AKAP11: variants seen among roughly 807,000 people sequenced by gnomAD.
AKAP11 encodes A-kinase anchoring protein 11.
AKAP11 carries 36 observed loss-of-function variants against 146.1 expected under a neutral mutation model. That is an observed-to-expected ratio of 0.25 (90% CI 0.19 to 0.33). AKAP11 has a LOEUF of 0.33. Among genes scored for constraint, AKAP11 ranks in the 10% least tolerant of loss-of-function variants. The pLI is 1.00. For missense variants in AKAP11, 2,201 were observed against 2,197.0 expected (o/e 1.00, Z -0.04); for synonymous variants, 780 against 786.5 (o/e 0.99, Z 0.14).
At position 42,302,377 on chromosome 13, in the gene AKAP11, A is replaced by G. The variant is rs1407601887; in HGVS notation, c.3631A>G (p.Thr1211Ala). 1.9e-6 allele frequency: 3 copies of G among 1,614,160 alleles called. No individual in the cohort carries two copies. Among genetic ancestry groups the G allele is most frequent in the Middle Eastern group, 1.6e-4 (1 of 6,062 alleles). ...AGCTACACACATCCTTTCTCTTGCAACTGAAATGGCAGCTTCCCATTTAGA... is the reference window on the plus strand; with the variant it reads ...AGCTACACACATCCTTTCTCTTGCAGCTGAAATGGCAGCTTCCCATTTAGA... The part of the protein sequence containing the change: ...ALATHILSLA[T>A]EMAASHLDNK... The change falls in exon 8 of 13, where the codon ACT becomes GCT. Residue 1211 changes from threonine (T) to alanine (A), a missense_variant. Thr to Ala is a moderately conservative substitution (Grantham distance 58). This residue lies in a region of AKAP11 where 1,867 missense variants were observed against 1,833.5 expected (regional missense o/e 1.02). Coordinates refer to ENST00000025301, the MANE Select transcript of AKAP11 (RefSeq NM_016248.4).
At chr13:42,289,526 C>T (rs144267064) in intron 3 of AKAP11, among the ~76,000 whole-genome samples, 5 of 152,116 alleles carry the variant, frequency 3.3e-5, no homozygotes, top group Non-Finnish European at 5.9e-5. Context: ...GAGAGCCCCT[C>T]CAAGTAGGTA....
rs1472184259 is a variant in AKAP11 at position 42,301,790 on chromosome 13, T to A, written c.3044T>A (p.Val1015Asp). 11 of 1,614,112 alleles carry A rather than the reference T, an allele frequency of 6.8e-6. No homozygotes were observed. The highest frequency in any genetic ancestry group is 9.3e-6 in the Non-Finnish European group (11 of 1,179,984). The change falls in exon 8 of 13, where the codon GTT (valine) becomes GAT (aspartate). Residue 1015 changes from valine (V) to aspartate (D), a missense_variant. By Grantham distance (152) the Val-to-Asp change is radical (BLOSUM62 -3). This residue lies in a region of AKAP11 where 1,867 missense variants were observed against 1,833.5 expected (regional missense o/e 1.02). Coordinates refer to ENST00000025301, the MANE Select transcript of AKAP11 (RefSeq NM_016248.4). ...GTTCCAGAATGTAAAGTTTCTATGG[T>A]TCATGGATCCTCCCTAGAGACACTG... ...DCVPECKVSMVHGSSLETLPS... is the reference protein window; with the variant it reads ...DCVPECKVSMDHGSSLETLPS...
intron 3 of AKAP11, among the ~76,000 whole-genome samples, chr13:42,287,438 C>G (rs1959175990): frequency 6.6e-6 from 1 of 151,970 alleles, no homozygotes; most frequent in Non-Finnish European, 1.5e-5. Context: ...TGCCCGCCAC[C>G]ACACCTGGCT....
Position 42,303,360 on chromosome 13 carries a change from A to G in AKAP11, c.4614A>G (p.Gln1538=). The change falls in exon 8 of 13, where the codon CAA becomes CAG. Residue 1538 remains glutamine (Q), a synonymous_variant. Coordinates refer to ENST00000025301, the MANE Select transcript of AKAP11 (RefSeq NM_016248.4). Reference sequence around the variant, plus strand: ...ATGGTTGTGGAGACAATGTTGTTCAAGCTGTAGAACAGTATGCCAAAAAAG... The same window carrying G: ...ATGGTTGTGGAGACAATGTTGTTCAGGCTGTAGAACAGTATGCCAAAAAAG... ...NGYGCGDNVV[Q]AVEQYAKKVV... The G allele has an allele frequency of 2.5e-6, 4 of 1,613,118 alleles. No individual in the cohort carries two copies. The highest frequency in any genetic ancestry group is 3.4e-6 in the Non-Finnish European group (4 of 1,180,030).
chr13:42,310,230 T>C (rs1480601564), intron 9 of AKAP11, among the ~76,000 whole-genome samples: 1 of 152,200 alleles, frequency 6.6e-6, no homozygotes, highest in Non-Finnish European at 1.5e-5. Context: ...TGTGTTTCCA[T>C]TGACCAAAGT....
intron 7 of AKAP11, among the ~76,000 whole-genome samples, chr13:42,299,097 G>A (rs1005216016): frequency 1.3e-5 from 2 of 152,112 alleles, no homozygotes; most frequent in Non-Finnish European, 2.9e-5. Flanking sequence ...AGCTGGCAGA[G>A]TCTCCACGGT....
chr13:42,297,036 A>G lies in AKAP11; in HGVS notation c.217-12A>G, dbSNP rs377065256. ...CTCTACAGTGTTACTTATTGTTATT[A>G]TTTTAAATCAGGATTTAGCTGCAGT... On this transcript the variant is annotated splice_polypyrimidine_tract_variant and intron_variant, in intron 5 of 12. Transcript: ENST00000025301. The G allele has an allele frequency of 2.5e-6, 4 of 1,590,750 alleles. No individual in the cohort carries two copies. The highest frequency in any genetic ancestry group is 2.7e-5 in the African/African-American group (2 of 73,388).
chr13:42,285,438 T>C (rs1230817570), intron 1 of AKAP11, among the ~76,000 whole-genome samples: 1 of 152,232 alleles, frequency 6.6e-6, no homozygotes, highest in Non-Finnish European at 1.5e-5. Flanking sequence ...TTAAAAAAAG[T>C]ATTTAGTTCC....
At chr13:42,298,429 C>G in intron 6 of AKAP11, 104 bp from the exon 7 acceptor site, 1 of 1,248,232 alleles carries the variant, frequency 8.0e-7, no homozygotes, top group East Asian at 2.6e-5. Flanking sequence ...GCATGAATTT[C>G]TTGTTTGTTT....
Position 42,319,344 on chromosome 13 carries a change from C to T in AKAP11, c.*116C>T. ...TTAACATCGTAAGTCAGTTGGGAGG[C>T]AAGTAAATATAGCTTTCTGAGCGCT... is the stretch of plus-strand genomic sequence containing the variant. On this transcript the variant is annotated 3_prime_UTR_variant, in exon 13 of 13. Coordinates refer to ENST00000025301, the MANE Select transcript of AKAP11 (RefSeq NM_016248.4). The T allele has an allele frequency of 7.4e-7, 1 of 1,342,490 alleles. No individual in the cohort carries two copies. Among genetic ancestry groups the T allele is most frequent in the South Asian group, 1.5e-5 (1 of 67,636 alleles). 83.2% of individuals were successfully genotyped at this position (1,342,490 alleles called of 1,614,324 possible).
chr13:42,276,561 A>T (rs930259229), intron 1 of AKAP11, among the ~76,000 whole-genome samples: 1 of 152,106 alleles, frequency 6.6e-6, no homozygotes, highest in African/African-American at 2.4e-5. Flanking sequence ...GGATATTCCT[A>T]TGTTGATATA....
In AKAP11 at chr13:42,310,653, G is replaced by A. The variant is rs1960512133; in HGVS notation, c.5273+2044G>A. On this transcript the variant is annotated intron_variant, in intron 9 of 12. Coordinates refer to ENST00000025301, the MANE Select transcript of AKAP11 (RefSeq NM_016248.4). ...GGGGGTGGATCACTTGAGGTCAGGA[G>A]TTCAAGACCAGCCTGGGCAACATGG... 2.6e-5 allele frequency among the ~76,000 whole-genome samples: 4 copies of A among 152,170 alleles called. No homozygotes were observed. In the South Asian group the frequency reaches 8.3e-4, roughly 31 times the overall value.
At position 42,299,484 on chromosome 13, in the gene AKAP11, T is replaced by A; in HGVS notation, c.738T>A (p.Ala246=). 6.2e-7 allele frequency: 1 copy of A among 1,613,968 alleles called. No individual in the cohort carries two copies. Among genetic ancestry groups the A allele is most frequent in the Non-Finnish European group, 8.5e-7 (1 of 1,179,866 alleles). Reference sequence around the variant, plus strand: ...GCTCTGGACAGCAGAAGTCATTGGCTAAACCCTCAACTTCCTCAGTGAATG... The same window carrying A: ...GCTCTGGACAGCAGAAGTCATTGGCAAAACCCTCAACTTCCTCAGTGAATG... ...LISSGQQKSL[A]KPSTSSVNVL... The change falls in exon 8 of 13, where the codon GCT becomes GCA. Residue 246 remains alanine (A), a synonymous_variant. Coordinates refer to ENST00000025301, the MANE Select transcript of AKAP11 (RefSeq NM_016248.4).
chr13:42,320,266 T>C lies in AKAP11; in HGVS notation c.*1038T>C, dbSNP rs1455666278. On this transcript the variant is annotated 3_prime_UTR_variant, in exon 13 of 13. Coordinates refer to ENST00000025301, the MANE Select transcript of AKAP11 (RefSeq NM_016248.4). ...AAAACCTCTACCAAGAATGTGGTGT[T>C]TTTTTTGTTTGTTTGTTTGTTTGTT... 4 of 143,920 alleles carry C rather than the reference T, an allele frequency of 2.8e-5. No homozygotes were observed. Among genetic ancestry groups the C allele is most frequent in the Non-Finnish European group, 6.3e-5 (4 of 63,864 alleles). 8.9% of individuals were successfully genotyped at this position (143,920 alleles called of 1,614,324 possible). A position where few individuals can be genotyped will look rare whatever the true frequency, so the allele number is the denominator to read the frequency against.
rs1319254514 is a variant in AKAP11, at chr13:42,298,573, C to G, written c.392C>G (p.Pro131Arg). The change falls in exon 7 of 13, where the codon CCT (proline) becomes CGT (arginine). Residue 131 changes from proline to arginine, a missense_variant. Around this residue, in one of 3 missense-constraint regions of AKAP11, gnomAD observed 331 missense variants for 347.4 expected, o/e 0.95. Transcript: ENST00000025301. ...ATGCTTTGTGTCATGAGAGTGTCAC[C>G]TACATCACCAAGACTTAGGATTGAT... ...SGMLCVMRVS[P>R]TSPRLRIDFI... 1.2e-6 allele frequency: 2 copies of G among 1,612,144 alleles called. No individual in the cohort carries two copies. The highest frequency in any genetic ancestry group is 1.7e-6 in the Non-Finnish European group (2 of 1,179,194).
chr13:42,312,934 T>C, intron 9 of AKAP11, 113 bp from the exon 10 acceptor site: 1 of 802,774 alleles, frequency 1.2e-6, no homozygotes, highest in Non-Finnish European at 2.0e-6. Flanking sequence ...CCCTTCACTG[T>C]GGCAGCTTCA....
intron 11 of AKAP11, among the ~76,000 whole-genome samples, chr13:42,316,756 C>T (rs567936261): frequency 7.6e-4 from 116 of 152,326 alleles, no homozygotes; most frequent in Non-Finnish European, 1.4e-3. Flanking sequence ...ATAGTTTCTA[C>T]CTCATAGAGT....
rs761516240 is a variant in AKAP11, at chr13:42,300,595, A to C, written c.1849A>C (p.Asn617His). Residue 617 changes from asparagine to histidine, a missense_variant, in exon 8 of 13, where the codon AAC becomes CAC. This residue lies in a region of AKAP11 where 1,867 missense variants were observed against 1,833.5 expected (regional missense o/e 1.02). Transcript: ENST00000025301. ...AGAACGTGCCATTAGTGGCCTGGCT[A>C]ACTTTTTGGTGAGTGAAGCTTTATC... Reference protein sequence around the residue: ...LKERAISGLANFLVSEALSNA... With the variant: ...LKERAISGLAHFLVSEALSNA... 5 of 1,614,066 alleles carry C rather than the reference A, an allele frequency of 3.1e-6. No individual in the cohort carries two copies. The highest frequency in any genetic ancestry group is 4.5e-5 in the East Asian group (2 of 44,882).
chr13:42,317,831 GCCACTTTCTAGCAGTAT>G (rs1424303332), intron 12 of AKAP11, 143 bp downstream of exon 12: 1 of 899,064 alleles, frequency 1.1e-6, no homozygotes, highest in Non-Finnish European at 1.6e-6. Context: ...CATCAGCTCT[GCCACTTTCTAGCAGTAT>G]AACCAGAGGC....
Sources: gnomAD v4.1 joint callset for allele counts (sites outside exome capture counted in the v4.1 genomes callset) on GRCh38, gnomAD v4.1.1 for gene constraint, gnomAD v4.1.1 regional missense constraint, MANE v1.5 for transcripts, NCBI Gene and HGNC (gene_info 2026-07-23, HGNC 2026-07-21) for gene names.